The following STAU2 variants were observed in gnomAD, a reference collection of about 807,000 sequenced individuals.
STAU2 encodes the protein staufen double-stranded RNA binding protein 2.
Under a neutral mutation model 65.9 loss-of-function variants are expected in STAU2, and 20 were observed. That is an observed-to-expected ratio of 0.30 (90% CI 0.21 to 0.44). The LOEUF (loss-of-function observed/expected upper bound fraction) is 0.44, where lower values mean the gene tolerates loss of function less well. Among genes scored for constraint, STAU2 ranks in the 20% least tolerant of loss-of-function variants. STAU2 has a pLI of 1.00. For missense variants in STAU2, 558 were observed against 683.9 expected, an observed-to-expected ratio of 0.82 and a Z score of 2.05; for synonymous variants, 232 against 233.9, an observed-to-expected ratio of 0.99 and a Z score of 0.07.
intron 12 of STAU2, among the ~76,000 whole-genome samples, chr8:73,554,361 C>T (rs1376383713): frequency 1.3e-5 from 2 of 152,208 alleles, no homozygotes; most frequent in African/African-American, 2.4e-5. Flanking sequence ...TCATTGGCCC[C>T]GGGGTTGCTA....
chr8:73,566,744 T>G (rs1277820345), intron 12 of STAU2, among the ~76,000 whole-genome samples: 1 of 152,206 alleles, frequency 6.6e-6, no homozygotes. Context: ...GTAAAACATG[T>G]GAGGTTGGAC....
At chr8:73,681,144 T>C (rs1427168540) in intron 5 of STAU2, among the ~76,000 whole-genome samples, 4 of 152,002 alleles carry the variant, frequency 2.6e-5, no homozygotes, top group Admixed American at 6.6e-5. Context: ...AAAAAGATCA[T>C]CACCTAGGCA....
At chr8:73,730,657 G>A (rs1429101175) in intron 3 of STAU2, among the ~76,000 whole-genome samples, 1 of 149,742 alleles carries the variant, frequency 6.7e-6, no homozygotes, top group Non-Finnish European at 1.5e-5. Flanking sequence ...AACCCCGGAG[G>A]CAGAGGTTGC....
intron 12 of STAU2, among the ~76,000 whole-genome samples, chr8:73,582,418 CTTTA>C (rs1810054657): frequency 6.7e-6 from 1 of 149,720 alleles, no homozygotes; most frequent in South Asian, 2.1e-4. Flanking sequence ...ATAATTACTT[CTTTA>C]TTTTTATTAT....
At chr8:73,628,206 T>C (rs1813831681) in intron 6 of STAU2, among the ~76,000 whole-genome samples, 1 of 151,846 alleles carries the variant, frequency 6.6e-6, no homozygotes, top group Non-Finnish European at 1.5e-5. Flanking sequence ...CTCAAGTAGC[T>C]GGGACCACAA....
At chr8:73,540,951 G>A (rs1806504614) in intron 13 of STAU2, among the ~76,000 whole-genome samples, 1 of 152,168 alleles carries the variant, frequency 6.6e-6, no homozygotes, top group Non-Finnish European at 1.5e-5. Context: ...AGAAATCCCA[G>A]GAGAAAGCTG....
In STAU2 at chr8:73,544,563, T is replaced by C. The variant is rs867221349; in HGVS notation, c.1530+7449A>G. Reference sequence around the variant, plus strand: ...TATGTCTTCAGTGCTTTGATGCTTCTGCCTATAATTCCTTTTCTTATCCAC... The same window carrying C: ...TATGTCTTCAGTGCTTTGATGCTTCCGCCTATAATTCCTTTTCTTATCCAC... On this transcript the variant is annotated intron_variant, in intron 13 of 14. Transcript: ENST00000524300. Among the ~76,000 whole-genome samples the C allele has an allele frequency of 2.0e-4, 30 of 152,346 alleles. No homozygotes were observed. In the Middle Eastern group the frequency reaches 0.017, roughly 86 times the overall value.
At position 73,637,272 on chromosome 8, in the gene STAU2, T is replaced by C. The variant is rs114862435; in HGVS notation, c.411-19821A>G. ...AAAATTTCCTTTGGTAAAAGGCATA[T>C]TTACATATTCAAGAAGCTCAGTGAA... On this transcript the variant is annotated intron_variant, in intron 6 of 14. Transcript: ENST00000524300. Among the ~76,000 whole-genome samples the C allele has an allele frequency of 4.9e-3, 749 of 151,574 alleles. 5 individuals are homozygous for C. The highest frequency in any genetic ancestry group is 0.017 in the African/African-American group (710 of 41,452).
At chr8:73,648,899 T>C (rs868288634) in intron 6 of STAU2, among the ~76,000 whole-genome samples, 7 of 152,158 alleles carry the variant, frequency 4.6e-5, no homozygotes, top group African/African-American at 1.7e-4. Context: ...CTCAAACTTG[T>C]TGGCTCAGGC....
At chr8:73,648,389 A>G (rs1324760102) in intron 6 of STAU2, among the ~76,000 whole-genome samples, 1 of 152,240 alleles carries the variant, frequency 6.6e-6, no homozygotes. Context: ...ATCCAATTCT[A>G]TAACTTACTT....
At chr8:73,462,089 G>GT (rs1471947894) in intron 13 of STAU2, among the ~76,000 whole-genome samples, 1 of 87,538 alleles carries the variant, frequency 1.1e-5, no homozygotes, top group African/African-American at 4.6e-5. Flanking sequence ...TTATTTATTT[G>GT]TTTTTTTGAG....
chr8:73,714,790 T>C (rs1821127075), intron 3 of STAU2, among the ~76,000 whole-genome samples: 1 of 151,934 alleles, frequency 6.6e-6, no homozygotes, highest in Admixed American at 6.6e-5. Context: ...ACTTGCAATA[T>C]GTGAAGAAAG....
At chr8:73,729,200 C>G (rs574099209) in intron 3 of STAU2, among the ~76,000 whole-genome samples, 1 of 152,150 alleles carries the variant, frequency 6.6e-6, no homozygotes, top group African/African-American at 2.4e-5. Context: ...GGGTTTTCCC[C>G]GCTTCATTCT....
intron 13 of STAU2, chr8:73,527,927 A>G: frequency 1.8e-6 from 1 of 540,698 alleles, no homozygotes; most frequent in Middle Eastern, 2.8e-4. Flanking sequence ...ACCTTATTGA[A>G]CCCCTCCAAT....
chr8:73,458,066 C>A (rs1482946209), intron 13 of STAU2, among the ~76,000 whole-genome samples: 1 of 152,176 alleles, frequency 6.6e-6, no homozygotes, highest in Non-Finnish European at 1.5e-5. Flanking sequence ...CTAACACCAA[C>A]CTGCTGAATA....
chr8:73,531,310 A>T (rs1805793448), intron 13 of STAU2, among the ~76,000 whole-genome samples: 1 of 152,192 alleles, frequency 6.6e-6, no homozygotes, highest in Admixed American at 6.6e-5. Flanking sequence ...GAATTTGCCA[A>T]AGATATCACA....
chr8:73,474,021 T>C (rs529651559), intron 13 of STAU2, among the ~76,000 whole-genome samples: 1 of 152,322 alleles, frequency 6.6e-6, no homozygotes, highest in East Asian at 1.9e-4. Flanking sequence ...CATAACCTTT[T>C]TGCCCACCTC....
chr8:73,520,875 A>T (rs1823001812), intron 13 of STAU2, among the ~76,000 whole-genome samples: 1 of 152,174 alleles, frequency 6.6e-6, no homozygotes, highest in Admixed American at 6.5e-5. Flanking sequence ...ACTTCCTGTT[A>T]TGTGAGATAA....
At chr8:73,598,440 G>T (rs1586089981) in intron 10 of STAU2, among the ~76,000 whole-genome samples, 1 of 152,138 alleles carries the variant, frequency 6.6e-6, no homozygotes, top group South Asian at 2.1e-4. Flanking sequence ...TGTTAGCCAG[G>T]ATGGTTTCGA....
Sources: gnomAD v4.1 joint callset for allele counts (sites outside exome capture counted in the v4.1 genomes callset) on GRCh38, gnomAD v4.1.1 for gene constraint, MANE v1.5 for transcripts, NCBI Gene and HGNC (gene_info 2026-07-23, HGNC 2026-07-21) for gene names.